The following CNTNAP5 variants were observed in gnomAD, a reference collection of about 807,000 sequenced individuals.
The protein encoded by CNTNAP5 is contactin-associated protein-like 5.
Under a neutral mutation model 150.2 loss-of-function variants are expected in CNTNAP5, and 72 were observed. The observed-to-expected ratio is 0.48, with a 90% CI of 0.40 to 0.58. The LOEUF (loss-of-function observed/expected upper bound fraction) is 0.58. Ranked by LOEUF, CNTNAP5 falls within the 20% of genes least tolerant of loss-of-function variation. CNTNAP5 has a pLI of 0.00. For missense variants in CNTNAP5, 1,636 were observed against 1,626.2 expected, an observed-to-expected ratio of 1.01 and a Z score of -0.10; for synonymous variants, 672 against 619.8, an observed-to-expected ratio of 1.08 and a Z score of -1.25.
At chr2:124,109,244 G>A (rs1361186991) in intron 1 of CNTNAP5, among the ~76,000 whole-genome samples, 1 of 152,164 alleles carries the variant, frequency 6.6e-6, no homozygotes, top group African/African-American at 2.4e-5. Context: ...TCAAACCCTT[G>A]CCTCACAGGT....
chr2:124,556,897 G>T (rs1015706655), intron 10 of CNTNAP5, among the ~76,000 whole-genome samples: 1 of 152,038 alleles, frequency 6.6e-6, no homozygotes, highest in African/African-American at 2.4e-5. Flanking sequence ...AAGGATCAAG[G>T]TGAGCTGGAT....
intron 1 of CNTNAP5, among the ~76,000 whole-genome samples, chr2:124,058,187 T>C (rs1329521837): frequency 6.6e-6 from 1 of 152,162 alleles, no homozygotes; most frequent in Admixed American, 6.5e-5. Context: ...ATTTCCTGGT[T>C]GGATCATGCT....
intron 1 of CNTNAP5, among the ~76,000 whole-genome samples, chr2:124,067,171 A>G (rs1229874714): frequency 6.6e-6 from 1 of 152,220 alleles, no homozygotes; most frequent in Admixed American, 6.5e-5. Context: ...AAAATCTGGA[A>G]GTATAGTCTA....
At chr2:124,226,798 G>C (rs1210925698) in intron 2 of CNTNAP5, among the ~76,000 whole-genome samples, 1 of 151,998 alleles carries the variant, frequency 6.6e-6, no homozygotes, top group Non-Finnish European at 1.5e-5. Flanking sequence ...CTTGCTTATG[G>C]GGACTCTGCA....
chr2:124,703,195 C>CTTCCTTCCTTCT (rs1553433078), intron 13 of CNTNAP5, among the ~76,000 whole-genome samples: 4 of 145,032 alleles, frequency 2.8e-5, no homozygotes, highest in Admixed American at 1.4e-4. Context: ...TCCTTCTTTC[C>CTTCCTTCCTTCT]TTCCTTCCTT....
intron 11 of CNTNAP5, among the ~76,000 whole-genome samples, chr2:124,599,019 A>C (rs901371470): frequency 6.6e-6 from 1 of 151,994 alleles, no homozygotes; most frequent in Non-Finnish European, 1.5e-5. Context: ...CGGTGCGCAC[A>C]CCCACTGGCC....
chr2:124,271,454 C>G (rs1687749552), intron 3 of CNTNAP5, among the ~76,000 whole-genome samples: 1 of 151,916 alleles, frequency 6.6e-6, no homozygotes, highest in Non-Finnish European at 1.5e-5. Context: ...AAAAAGGTGG[C>G]CTCTGGGTAA....
chr2:124,800,374 T>TAC (rs148248412), intron 19 of CNTNAP5, among the ~76,000 whole-genome samples: 65 of 151,392 alleles, frequency 4.3e-4, no homozygotes, highest in Admixed American at 7.9e-4. Flanking sequence ...CACACACATA[T>TAC]ACACACACAC....
intron 3 of CNTNAP5, among the ~76,000 whole-genome samples, chr2:124,408,291 G>A (rs890368584): frequency 1.6e-4 from 24 of 152,190 alleles, no homozygotes; most frequent in East Asian, 5.8e-4. Flanking sequence ...CTGCAAGGCC[G>A]CAGCGAGGCT....
At chr2:124,266,994 G>A (rs1412695762) in intron 3 of CNTNAP5, among the ~76,000 whole-genome samples, 1 of 151,110 alleles carries the variant, frequency 6.6e-6, no homozygotes, top group African/African-American at 2.4e-5. Context: ...TACAATGCTG[G>A]GAAGGCTTTA....
chr2:124,161,631 C>T (rs1684681275), intron 1 of CNTNAP5, among the ~76,000 whole-genome samples: 1 of 152,096 alleles, frequency 6.6e-6, no homozygotes, highest in Non-Finnish European at 1.5e-5. Flanking sequence ...CCACTCCTTG[C>T]TGTAAAGAGT....
chr2:124,510,313 C>CTATATATCTATATATCTATATA (rs1175360881), intron 8 of CNTNAP5, among the ~76,000 whole-genome samples: 222 of 54,044 alleles, frequency 4.1e-3, no homozygotes, highest in Middle Eastern at 0.013. Context: ...ATATATATAT[C>CTATATATCTATATATCTATATA]TATATATCTA....
chr2:124,627,522 CA>C lies in CNTNAP5; in HGVS notation c.1876+17618del, dbSNP rs3039905. 5.8e-3 allele frequency among the ~76,000 whole-genome samples: 766 copies of C among 132,024 alleles called. 8 individuals are homozygous for C. Among genetic ancestry groups the C allele is most frequent in the East Asian group, 0.044 (182 of 4,148 alleles). The allele number at this position is 132,024 out of a possible 152,430, so 86.6% of individuals were successfully genotyped here. On this transcript the variant is annotated intron_variant, in intron 12 of 23. Transcript: ENST00000682447. ...AACAAACAGAAAGCAACAACAACAT[CA>C]AAAAAAAAAAAAAAAGACCCCACAA...
At chr2:124,603,127 T>C (rs1697023986) in intron 11 of CNTNAP5, among the ~76,000 whole-genome samples, 1 of 151,234 alleles carries the variant, frequency 6.6e-6, no homozygotes. Context: ...AAACAAGATC[T>C]AAGCATAGTG....
intron 1 of CNTNAP5, among the ~76,000 whole-genome samples, chr2:124,215,711 G>C (rs1225880651): frequency 2.5e-4 from 9 of 35,312 alleles, no homozygotes; most frequent in African/African-American, 8.3e-4. Flanking sequence ...TAGAAGAAAG[G>C]CAAAAAAAAA....
In CNTNAP5 at chr2:124,096,485, T is replaced by A. The variant is rs138941621; in HGVS notation, c.82+70753T>A. On this transcript the variant is annotated intron_variant, in intron 1 of 23. Transcript: ENST00000682447. ...ATCCATTCTTTAGGGGACTAGACAT[T>A]CATTTCTAAATGCACTTCCTTCATA... 3.7e-3 allele frequency among the ~76,000 whole-genome samples: 559 copies of A among 152,202 alleles called. 4 individuals carry two copies. Among genetic ancestry groups the A allele is most frequent in the African/African-American group, 0.013 (540 of 41,520 alleles).
intron 1 of CNTNAP5, among the ~76,000 whole-genome samples, chr2:124,197,296 A>G (rs1685610833): frequency 6.6e-6 from 1 of 152,026 alleles, no homozygotes; most frequent in Non-Finnish European, 1.5e-5. Context: ...TTCTTAAGAA[A>G]GTTTTACCAT....
intron 22 of CNTNAP5, among the ~76,000 whole-genome samples, chr2:124,907,472 A>G (rs1678561561): frequency 1.3e-5 from 2 of 149,212 alleles, no homozygotes; most frequent in Middle Eastern, 3.3e-3. Flanking sequence ...AATAAATTCT[A>G]TTCTATAAGA....
chr2:124,214,285 G>T (rs904909498), intron 1 of CNTNAP5, among the ~76,000 whole-genome samples: 1 of 152,092 alleles, frequency 6.6e-6, no homozygotes, highest in African/African-American at 2.4e-5. Context: ...AATAAAATAT[G>T]TCCTAAAATC....
Sources: allele counts gnomAD v4.1 joint callset (sites outside exome capture counted in the v4.1 genomes callset), GRCh38; gene constraint gnomAD v4.1.1; transcripts MANE v1.5; gene names NCBI Gene and HGNC (gene_info 2026-07-23, HGNC 2026-07-21).